Variants in CLSTN2 observed in about 807,000 individuals in gnomAD.
CLSTN2 encodes calsyntenin 2, also known as calsyntenin-2.
Under a neutral mutation model 101.2 loss-of-function variants are expected in CLSTN2, and 48 were observed. The observed-to-expected ratio is 0.47, with a 90% CI of 0.38 to 0.60. The LOEUF (loss-of-function observed/expected upper bound fraction) is 0.60, where lower values mean the gene tolerates loss of function less well. Ranked by LOEUF, CLSTN2 falls within the 20% of genes least tolerant of loss-of-function variation. The probability of loss-of-function intolerance (pLI) is 0.00; values close to 1 mark genes in which losing one functional copy is unlikely to be tolerated. For missense variants in CLSTN2, 1,160 were observed against 1,238.2 expected (o/e 0.94, Z 0.95); for synonymous variants, 481 against 463.6 (o/e 1.04, Z -0.48).
chr3:139,989,374 A>C (rs956423437), intron 1 of CLSTN2, among the ~76,000 whole-genome samples: 1 of 151,516 alleles, frequency 6.6e-6, no homozygotes, highest in Non-Finnish European at 1.5e-5. Context: ...TTGTTTCCCC[A>C]CCCTGCATTT....
intron 2 of CLSTN2, among the ~76,000 whole-genome samples, chr3:140,193,871 C>T (rs1369469676): frequency 6.6e-6 from 1 of 152,020 alleles, no homozygotes; most frequent in Non-Finnish European, 1.5e-5. Context: ...CTATTTTTCT[C>T]TTTTCCTGTG....
chr3:140,136,757 C>T (rs1238323651), intron 1 of CLSTN2, among the ~76,000 whole-genome samples: 1 of 152,116 alleles, frequency 6.6e-6, no homozygotes, highest in Non-Finnish European at 1.5e-5. Flanking sequence ...CCCAATGAAC[C>T]CTGAGCATTG....
rs368913613 is a variant in CLSTN2 at position 140,419,089 on chromosome 3, G to A, written c.638-2036G>A. On this transcript the variant is annotated intron_variant, in intron 4 of 16. Transcript: ENST00000458420. Reference sequence around the variant, plus strand: ...CTTTTCTAATTTTCCAAGCTTTCTTGTTTCATTCCATGTTCTCTCAATATG... The same window carrying A: ...CTTTTCTAATTTTCCAAGCTTTCTTATTTCATTCCATGTTCTCTCAATATG... Among the ~76,000 whole-genome samples the A allele has an allele frequency of 5.3e-5, 8 of 151,682 alleles. No individual in the cohort carries two copies. In the East Asian group the frequency reaches 5.9e-4, roughly 11 times the overall value.
Position 140,514,749 on chromosome 3 carries a change from G to A in CLSTN2, c.1345-17575G>A, listed in dbSNP as rs192396363. On this transcript the variant is annotated intron_variant, in intron 8 of 16. Coordinates refer to ENST00000458420, the MANE Select transcript of CLSTN2 (RefSeq NM_022131.3). ...GTACTACTTAATATTCCCACCAGCA[G>A]TATAAAAGTGTTCTCTTTTCACCAC... Among the ~76,000 whole-genome samples the A allele has an allele frequency of 2.0e-5, 3 of 152,228 alleles. No homozygotes were observed. The East Asian group carries it at 5.8e-4, about 29-fold the overall frequency.
intron 1 of CLSTN2, among the ~76,000 whole-genome samples, chr3:140,039,585 A>G (rs939668735): frequency 2.6e-5 from 4 of 152,196 alleles, no homozygotes; most frequent in African/African-American, 9.6e-5. Flanking sequence ...TGACATTCCT[A>G]CAACTGATTC....
chr3:140,252,751 G>C (rs937111364), intron 2 of CLSTN2, among the ~76,000 whole-genome samples: 3 of 152,206 alleles, frequency 2.0e-5, no homozygotes, highest in Admixed American at 6.5e-5. Context: ...TAAGGTACAA[G>C]CAAGTTAGCT....
At chr3:140,097,757 T>C (rs1412811879) in intron 1 of CLSTN2, among the ~76,000 whole-genome samples, 1 of 152,208 alleles carries the variant, frequency 6.6e-6, no homozygotes, top group East Asian at 1.9e-4. Flanking sequence ...TTGAATAATT[T>C]GTGTAGTTGT....
At chr3:139,940,176 C>A (rs1935100662) in intron 1 of CLSTN2, among the ~76,000 whole-genome samples, 1 of 152,176 alleles carries the variant, frequency 6.6e-6, no homozygotes, top group African/African-American at 2.4e-5. Flanking sequence ...ATGAGATGAG[C>A]AGTATGCAGT....
chr3:140,322,913 C>A (rs2087297393), intron 2 of CLSTN2, among the ~76,000 whole-genome samples: 1 of 152,206 alleles, frequency 6.6e-6, no homozygotes, highest in Non-Finnish European at 1.5e-5. Context: ...GAATTAAAAT[C>A]TAAGGGAGAA....
At chr3:139,966,887 A>T (rs989781365) in intron 1 of CLSTN2, among the ~76,000 whole-genome samples, 14 of 152,306 alleles carry the variant, frequency 9.2e-5, no homozygotes, top group African/African-American at 3.4e-4. Flanking sequence ...ATATGGCTGC[A>T]GTAACAGTAT....
chr3:140,500,549 G>A (rs1002656307), intron 8 of CLSTN2, among the ~76,000 whole-genome samples: 7 of 152,178 alleles, frequency 4.6e-5, no homozygotes, highest in Admixed American at 4.6e-4. Flanking sequence ...TTCTTTGCCT[G>A]TGTTTGATTA....
chr3:140,274,259 G>A (rs1333554703), intron 2 of CLSTN2, among the ~76,000 whole-genome samples: 1 of 152,112 alleles, frequency 6.6e-6, no homozygotes, highest in East Asian at 1.9e-4. Context: ...GTATGACAGA[G>A]TGACAGAGAG....
chr3:139,968,783 A>G (rs1935646576), intron 1 of CLSTN2, among the ~76,000 whole-genome samples: 1 of 152,230 alleles, frequency 6.6e-6, no homozygotes, highest in African/African-American at 2.4e-5. Context: ...GAAAAACTAT[A>G]AAAAAGAAAT....
chr3:140,270,558 T>A (rs2086732890), intron 2 of CLSTN2, among the ~76,000 whole-genome samples: 1 of 152,140 alleles, frequency 6.6e-6, no homozygotes, highest in Non-Finnish European at 1.5e-5. Flanking sequence ...TCCAGATGAC[T>A]CACACATTGG....
At chr3:140,196,795 A>G (rs1443544413) in intron 2 of CLSTN2, among the ~76,000 whole-genome samples, 1 of 152,212 alleles carries the variant, frequency 6.6e-6, no homozygotes, top group Non-Finnish European at 1.5e-5. Flanking sequence ...GATTCTGTTC[A>G]TATTCATATA....
intron 1 of CLSTN2, among the ~76,000 whole-genome samples, chr3:140,023,933 C>G (rs1576400493): frequency 1.3e-5 from 2 of 152,360 alleles, no homozygotes; most frequent in Middle Eastern, 6.8e-3. Flanking sequence ...CTGCCTCCCT[C>G]TGCCCTGTCT....
intron 2 of CLSTN2, among the ~76,000 whole-genome samples, chr3:140,230,659 C>T (rs1383309609): frequency 6.6e-6 from 1 of 152,164 alleles, no homozygotes; most frequent in Non-Finnish European, 1.5e-5. Flanking sequence ...ACAAAATCTG[C>T]CGGTGCTTTA....
intron 1 of CLSTN2, among the ~76,000 whole-genome samples, chr3:140,118,381 A>G (rs769933585): frequency 6.6e-6 from 1 of 152,176 alleles, no homozygotes; most frequent in Non-Finnish European, 1.5e-5. Context: ...AAATATGGAA[A>G]AACTTCCCAT....
At chr3:140,369,512 A>G (rs552738528) in intron 2 of CLSTN2, among the ~76,000 whole-genome samples, 2 of 152,280 alleles carry the variant, frequency 1.3e-5, no homozygotes, top group African/African-American at 4.8e-5. Flanking sequence ...TGCTTGGGCA[A>G]TGCATTTGCT....
Sources: allele counts gnomAD v4.1 joint callset (sites outside exome capture counted in the v4.1 genomes callset), GRCh38; gene constraint gnomAD v4.1.1; transcripts MANE v1.5; gene names NCBI Gene and HGNC (gene_info 2026-07-23, HGNC 2026-07-21).